Variants in ADAM28 observed in about 807,000 individuals in gnomAD.
ADAM28 encodes disintegrin and metalloproteinase domain-containing protein 28.
ADAM28 carries 105 observed loss-of-function variants against 101.2 expected under a neutral mutation model. The observed-to-expected ratio is 1.04, with a 90% confidence interval of 0.89 to 1.22. The LOEUF is 1.22. Ranked by LOEUF, ADAM28 falls within the 50% of genes most tolerant of loss-of-function variation. The pLI is 0.00. For synonymous variants in ADAM28, 322 were observed against 310.6 expected (o/e 1.04, Z -0.39); for missense variants, 1,028 against 945.4 (o/e 1.09, Z -1.15).
At chr8:24,343,250 G>T in intron 17 of ADAM28, 69 bp downstream of exon 17, 1 of 1,547,356 alleles carries the variant, frequency 6.5e-7, no homozygotes, top group Non-Finnish European at 8.9e-7. Context: ...TCATAAGAAA[G>T]CTAAAGGAAT....
chr8:24,325,871 C>CA lies in ADAM28; in HGVS notation c.891-654dup, dbSNP rs5890146. Among the ~76,000 whole-genome samples the CA allele has an allele frequency of 3.2e-3, 66 of 20,424 alleles. 1 individual carries two copies. Among genetic ancestry groups the CA allele is most frequent in the South Asian group, 0.016 (5 of 318 alleles). 13.4% of individuals were successfully genotyped at this position (20,424 alleles called of 152,430 possible). ...AAGGGCCAGGATCTTGTACAGATAG[C>CA]AAAAAAAAAAAAAAAAAAAAAAAAA... is the stretch of plus-strand genomic sequence containing the variant. On this transcript the variant is annotated intron_variant, in intron 9 of 22. Coordinates refer to ENST00000265769, the MANE Select transcript of ADAM28 (RefSeq NM_014265.6).
chr8:24,329,198 G>C (rs909795550), intron 10 of ADAM28, among the ~76,000 whole-genome samples: 1 of 152,032 alleles, frequency 6.6e-6, no homozygotes, highest in Admixed American at 6.6e-5. Context: ...AGTGTGTCTA[G>C]GTATCAACTT....
chr8:24,299,731 C>T (rs778959447), intron 1 of ADAM28: 2 of 299,258 alleles, frequency 6.7e-6, no homozygotes, highest in Non-Finnish European at 1.2e-5. Flanking sequence ...AATACAGTAA[C>T]ACCTGTAAAC....
At chr8:24,300,213 C>A (rs951012391) in intron 2 of ADAM28, 136 bp downstream of exon 2, 11 of 557,698 alleles carry the variant, frequency 2.0e-5, no homozygotes, top group Admixed American at 1.2e-4. Context: ...TATGTGTGTG[C>A]CTGTGTGTTT....
intron 6 of ADAM28, among the ~76,000 whole-genome samples, chr8:24,316,082 A>C (rs1405653466): frequency 6.6e-6 from 1 of 151,320 alleles, no homozygotes; most frequent in Non-Finnish European, 1.5e-5. Flanking sequence ...TTATTTATTT[A>C]TTTATTTATT....
At position 24,358,815 on chromosome 8, in the gene ADAM28, A is replaced by C. The variant is rs1816841314; in HGVS notation, c.*4411A>C. 1 of 152,164 alleles carries C rather than the reference A, an allele frequency of 6.6e-6. No homozygotes were observed. Among genetic ancestry groups the C allele is most frequent in the Non-Finnish European group, 1.5e-5 (1 of 68,018 alleles). The allele number at this position is 152,164 out of a possible 1,614,324, so 9.4% of individuals were successfully genotyped here. On this transcript the variant is annotated 3_prime_UTR_variant, in exon 23 of 23. Coordinates refer to ENST00000265769, the MANE Select transcript of ADAM28 (RefSeq NM_014265.6). ...GTGAAGGCAACTTCTTGTGAACATT[A>C]AACGGTTTATCTCCTTCACCTCATA...
chr8:24,349,812 G>A (rs1210647954), intron 18 of ADAM28, 52 bp from the exon 19 acceptor site: 21 of 1,386,162 alleles, frequency 1.5e-5, no homozygotes, highest in Admixed American at 1.0e-4. Flanking sequence ...CTAGTGTGTT[G>A]TGCAGATGTG....
rs765846183 is a variant in ADAM28, at chr8:24,343,556, C to G, written c.1962C>G (p.Pro654=). The change falls in exon 18 of 23, where the codon CCC becomes CCG. Residue 654 remains proline, a synonymous_variant. Transcript: ENST00000265769. ...AATGTGAGGAAGGATGGATCCCTCC[C>G]GACTGCGATGACTCCTCAGTGGTCT... ...QCQCEEGWIP[P]DCDDSSVVFH... 5 of 1,613,736 alleles carry G rather than the reference C, an allele frequency of 3.1e-6. No individual in the cohort carries two copies. In the South Asian group the frequency reaches 3.3e-5, roughly 11 times the overall value.
intron 17 of ADAM28, 85 bp downstream of exon 17, chr8:24,343,266 C>T: frequency 6.7e-7 from 1 of 1,484,294 alleles, no homozygotes; most frequent in Non-Finnish European, 9.3e-7. Flanking sequence ...GGAATATTTT[C>T]AGCTTTAAAT....
chr8:24,339,503 T>A lies in ADAM28; in HGVS notation c.1605T>A (p.Asn535Lys). The change falls in exon 15 of 23, where the codon AAT becomes AAA. Residue 535 changes from asparagine (N) to lysine (K), a missense_variant. By Grantham distance (94) the Asn-to-Lys change is moderately conservative. Coordinates refer to ENST00000265769, the MANE Select transcript of ADAM28 (RefSeq NM_014265.6). ...EVADKSCYNR[N>K]EGGSKYGYCR... ...CAGATAAGTCATGTTACAACAGGAA[T>A]GAAGGTGGGTCAAAGTACGGGTACT... The A allele has an allele frequency of 1.2e-6, 2 of 1,613,538 alleles. No homozygotes were observed. Among genetic ancestry groups the A allele is most frequent in the Non-Finnish European group, 1.7e-6 (2 of 1,179,696 alleles).
At chr8:24,351,076 G>A (rs951744853) in intron 19 of ADAM28, among the ~76,000 whole-genome samples, 156 bp from the exon 20 acceptor site, 1 of 152,008 alleles carries the variant, frequency 6.6e-6, no homozygotes, top group African/African-American at 2.4e-5. Flanking sequence ...AGAGGCTGAC[G>A]GGGAAGTAAA....
At chr8:24,306,391 A>ATAT (rs1809693101) in intron 2 of ADAM28, among the ~76,000 whole-genome samples, 2 of 126,244 alleles carry the variant, frequency 1.6e-5, no homozygotes, top group African/African-American at 3.1e-5. Context: ...TATATTTAAA[A>ATAT]ATATATATAT....
In ADAM28 at chr8:24,307,965, G is replaced by A. The variant is rs143382280; in HGVS notation, c.151-1929G>A. Among the ~76,000 whole-genome samples, 10 of 152,168 alleles carry A rather than the reference G, an allele frequency of 6.6e-5. No homozygotes were observed. In the East Asian group the frequency reaches 1.2e-3, roughly 18 times the overall value. On this transcript the variant is annotated intron_variant, in intron 2 of 22. Coordinates refer to ENST00000265769, the MANE Select transcript of ADAM28 (RefSeq NM_014265.6). Reference sequence around the variant, plus strand: ...TTAAGAACCTCTCTGTGTATTCTACGGCTGCCCTTGATATTTCCTGTGTGC... The same window carrying A: ...TTAAGAACCTCTCTGTGTATTCTACAGCTGCCCTTGATATTTCCTGTGTGC...
At chr8:24,354,273 A>AAAT (rs1224438420) in intron 22 of ADAM28, 111 bp from the exon 23 acceptor site, 2 of 951,194 alleles carry the variant, frequency 2.1e-6, no homozygotes, top group Non-Finnish European at 3.2e-6. Context: ...GTGACCTATG[A>AAAT]AATAGAAACT....
At chr8:24,351,355 C>G (rs1398079282) in intron 20 of ADAM28, 45 bp downstream of exon 20, 7 of 1,563,410 alleles carry the variant, frequency 4.5e-6, no homozygotes, top group South Asian at 4.4e-5. Flanking sequence ...CCCCACTTTG[C>G]GTTTCTCTCA....
rs542206784 is a variant in ADAM28, at chr8:24,348,516, G to C, written c.1991-1348G>C. 1.2e-4 allele frequency among the ~76,000 whole-genome samples: 18 copies of C among 152,160 alleles called. No homozygotes were observed. In the South Asian group the frequency reaches 3.5e-3, roughly 30 times the overall value. ...GAACTTTTATCTAGGATTATTTTCT[G>C]TCTCTCCAGGTCCTTGCCCACTCAC... On this transcript the variant is annotated intron_variant, in intron 18 of 22. Transcript: ENST00000265769.
rs570768163 is a variant in ADAM28 at position 24,342,825 on chromosome 8, C to T, written c.1831-276C>T. 1.3e-5 allele frequency: 5 copies of T among 386,058 alleles called. No individual in the cohort carries two copies. The South Asian group carries it at 1.7e-4, about 13-fold the overall frequency. 23.9% of individuals were successfully genotyped at this position (386,058 alleles called of 1,614,324 possible). A position where few individuals can be genotyped will look rare whatever the true frequency, so the allele number is the denominator to read the frequency against. On this transcript the variant is annotated intron_variant, in intron 16 of 22. Coordinates refer to ENST00000265769, the MANE Select transcript of ADAM28 (RefSeq NM_014265.6). ...TTAAGATCATCTCATTATTGCTTAT[C>T]CCTTAACTTCTTGCATAGTCATTGC... is the stretch of plus-strand genomic sequence containing the variant.
At chr8:24,304,644 T>A (rs953812980) in intron 2 of ADAM28, among the ~76,000 whole-genome samples, 3 of 151,982 alleles carry the variant, frequency 2.0e-5, no homozygotes, top group Admixed American at 1.3e-4. Flanking sequence ...GGCGGGTGGG[T>A]CACCTGAGGT....
rs759817812 is a variant in ADAM28, at chr8:24,353,768, A to G, written c.2245-2A>G. On this transcript the variant is annotated splice_acceptor_variant, in intron 21 of 22. Transcript: ENST00000265769. LOFTEE classifies it high-confidence loss of function. ...ATACCATTGTTTTTATAATTAACGT[A>G]GCATAAAGACACAAACGCACTTCCC... The G allele has an allele frequency of 2.0e-6, 3 of 1,483,524 alleles. No homozygotes were observed. Among genetic ancestry groups the G allele is most frequent in the South Asian group, 1.1e-5 (1 of 88,264 alleles). 91.9% of individuals were successfully genotyped at this position (1,483,524 alleles called of 1,614,324 possible). A position where few individuals can be genotyped will look rare whatever the true frequency, so the allele number is the denominator to read the frequency against.
Sources: gnomAD v4.1 joint callset for allele counts (sites outside exome capture counted in the v4.1 genomes callset) on GRCh38, gnomAD v4.1.1 for gene constraint, MANE v1.5 for transcripts, NCBI Gene and HGNC (gene_info 2026-07-23, HGNC 2026-07-21) for gene names.